The following TEX51 variants were observed in gnomAD, a reference collection of about 807,000 sequenced individuals.
TEX51 encodes testis-expressed protein 51.
In TEX51, 14 loss-of-function variants were observed where a neutral mutation model predicts 8.0. That is an observed-to-expected ratio of 1.76 (90% CI 1.16 to 2.75). The LOEUF (loss-of-function observed/expected upper bound fraction) is 2.75, where lower values mean the gene tolerates loss of function less well. TEX51 is among the 30% of genes most tolerant of loss of function. The pLI is 0.00. For synonymous variants in TEX51, 58 were observed against 28.6 expected, an observed-to-expected ratio of 2.03 and a Z score of -3.29; for missense variants, 142 against 77.4, an observed-to-expected ratio of 1.83 and a Z score of -3.13.
rs1680313884 is a variant in TEX51 at position 126,901,253 on chromosome 2, T to C, written c.438T>C (p.Ser146=). Residue 146 remains serine, a synonymous_variant, in exon 5 of 7, where the codon AGT becomes AGC. Transcript: ENST00000568484. ...RTSLWAVSLS[S]ALLLAIAGDV... ...CCCTGTGGGCTGTGAGTCTCAGCAG[T>C]GCTCTACTCCTGGCCATAGCTGGAG... 1 of 695,032 alleles carries C rather than the reference T, an allele frequency of 1.4e-6. No individual in the cohort carries two copies. The highest frequency in any genetic ancestry group is 1.7e-5 in the African/African-American group (1 of 57,234). 43.1% of individuals were successfully genotyped at this position (695,032 alleles called of 1,614,324 possible). A position where few individuals can be genotyped will look rare whatever the true frequency, so the allele number is the denominator to read the frequency against.
Position 126,899,308 on chromosome 2 carries a change from C to T in TEX51, c.220+17C>T, listed in dbSNP as rs914999761. On this transcript the variant is annotated intron_variant, in intron 2 of 6. Coordinates refer to ENST00000568484, the MANE Select transcript of TEX51 (RefSeq NM_001322244.2). ...TACGAGATGGTGAGGAAGCCAAGAG[C>T]CCCAGGGCCTTGGGGCTTGGGTTGA... 1.4e-6 allele frequency: 1 copy of T among 702,278 alleles called. No individual in the cohort carries two copies. Among genetic ancestry groups the T allele is most frequent in the East Asian group, 2.7e-5 (1 of 37,256 alleles). The allele number at this position is 702,278 out of a possible 1,614,324, so 43.5% of individuals were successfully genotyped here.
rs559375890 is a variant in TEX51, at chr2:126,901,943, T to C, written c.*74T>C. 4.6e-5 allele frequency: 31 copies of C among 669,778 alleles called. No homozygotes were observed. In the South Asian group the frequency reaches 4.7e-4, roughly 10 times the overall value. 41.5% of individuals were successfully genotyped at this position (669,778 alleles called of 1,614,324 possible). On this transcript the variant is annotated 3_prime_UTR_variant, in exon 7 of 7. Coordinates refer to ENST00000568484, the MANE Select transcript of TEX51 (RefSeq NM_001322244.2). ...CTACCACCGTCACAAAGTTCACTCATCTCTGGGTCCCGGTGACCCCATCCC... is the reference window on the plus strand; with the variant it reads ...CTACCACCGTCACAAAGTTCACTCACCTCTGGGTCCCGGTGACCCCATCCC...
intron 3 of TEX51, 100 bp from the exon 4 acceptor site, chr2:126,899,836 C>A: frequency 1.4e-6 from 1 of 702,242 alleles, no homozygotes; most frequent in African/African-American, 1.7e-5. Flanking sequence ...TCCCTGGCAG[C>A]CTGCAATGAG....
intron 1 of TEX51, 55 bp from the exon 2 acceptor site, chr2:126,899,162 C>A (rs1185350149): frequency 1.4e-6 from 1 of 702,248 alleles, no homozygotes; most frequent in Non-Finnish European, 2.6e-6. Flanking sequence ...GGCCTCTTTA[C>A]CTGACCTGGG....
intron 4 of TEX51, 51 bp downstream of exon 4, chr2:126,900,070 T>C (rs1271730136): frequency 2.9e-6 from 2 of 699,224 alleles, no homozygotes; most frequent in Non-Finnish European, 5.2e-6. Flanking sequence ...CCTGCATTTC[T>C]GGAGCCATTG....
At chr2:126,899,430 C>T (rs1449737290) in intron 2 of TEX51, 93 bp from the exon 3 acceptor site, 2 of 678,958 alleles carry the variant, frequency 2.9e-6, no homozygotes, top group Non-Finnish European at 5.4e-6. Context: ...TCTCCGTGTG[C>T]TCTTTGGAAC....
Position 126,899,549 on chromosome 2 carries a change from T to C in TEX51, c.247T>C (p.Tyr83His), listed in dbSNP as rs1680210642. The change falls in exon 3 of 7, where the codon TAC becomes CAC. Residue 83 changes from tyrosine to histidine, a missense_variant. Coordinates refer to ENST00000568484, the MANE Select transcript of TEX51 (RefSeq NM_001322244.2). ...TAAAACAGTACTTCTGGAAGAGATC[T>C]ACACGCACAAGAATCTCTTTACTGA... ...DDKTVLLEEIYTHKNLFTERL... is the reference protein window; with the variant it reads ...DDKTVLLEEIHTHKNLFTERL... 1 of 702,028 alleles carries C rather than the reference T, an allele frequency of 1.4e-6. No homozygotes were observed. Among genetic ancestry groups the C allele is most frequent in the Non-Finnish European group, 2.6e-6 (1 of 384,720 alleles). The allele number at this position is 702,028 out of a possible 1,614,324, so 43.5% of individuals were successfully genotyped here. A position where few individuals can be genotyped will look rare whatever the true frequency, so the allele number is the denominator to read the frequency against.
At chr2:126,899,161 A>G (rs953954321) in intron 1 of TEX51, 56 bp from the exon 2 acceptor site, 2 of 702,076 alleles carry the variant, frequency 2.8e-6, no homozygotes, top group African/African-American at 3.5e-5. Context: ...TGGCCTCTTT[A>G]CCTGACCTGG....
Position 126,900,149 on chromosome 2 carries a change from C to T in TEX51, c.394+130C>T. 7.7e-6 allele frequency: 5 copies of T among 653,580 alleles called. No individual in the cohort carries two copies. The South Asian group carries it at 8.5e-5, about 11-fold the overall frequency. 40.5% of individuals were successfully genotyped at this position (653,580 alleles called of 1,614,324 possible). A position where few individuals can be genotyped will look rare whatever the true frequency, so the allele number is the denominator to read the frequency against. ...TCTTTATCCTCACCCTGGGTGAAGG[C>T]AGCACCTTCTGGGATTTCTTGATGT... On this transcript the variant is annotated intron_variant, in intron 4 of 6. Transcript: ENST00000568484.
At position 126,899,057 on chromosome 2, in the gene TEX51, T is replaced by C. The variant is rs1474312845; in HGVS notation, c.139T>C (p.Ser47Pro). Residue 47 changes from serine to proline, a missense_variant, in exon 1 of 7, where the codon TCT becomes CCT. Physicochemically the swap from Ser to Pro is moderately conservative, Grantham distance 74. Transcript: ENST00000568484. ...GACCCCAGGGCCACCCACAGAACTT[T>C]CTCAAAGTATTCACTCCTTGTTCCT... The part of the protein sequence containing the change: ...WVTPGPPTEL[S>P]QNRDHLEEET... 1.4e-6 allele frequency: 1 copy of C among 702,202 alleles called. No homozygotes were observed. Among genetic ancestry groups the C allele is most frequent in the East Asian group, 2.7e-5 (1 of 37,268 alleles). The allele number at this position is 702,202 out of a possible 1,614,324, so 43.5% of individuals were successfully genotyped here. A position where few individuals can be genotyped will look rare whatever the true frequency, so the allele number is the denominator to read the frequency against.
Position 126,899,286 on chromosome 2 carries a change from G to A in TEX51, c.215G>A (p.Arg72Gln), listed in dbSNP as rs1478704254. Reference sequence around the variant, plus strand: ...GTACACCAAGCCATTAAAACGTTACGAGATGGTGAGGAAGCCAAGAGCCCC... The same window carrying A: ...GTACACCAAGCCATTAAAACGTTACAAGATGGTGAGGAAGCCAAGAGCCCC... ...TQVHQAIKTL[R>Q]DDKTVLLEEI... Residue 72 changes from arginine to glutamine, a missense_variant, in exon 2 of 7, where the codon CGA becomes CAA. By Grantham distance (43) the Arg-to-Gln change is conservative. Coordinates refer to ENST00000568484, the MANE Select transcript of TEX51 (RefSeq NM_001322244.2). 1.3e-5 allele frequency: 9 copies of A among 702,018 alleles called. No individual in the cohort carries two copies. Among genetic ancestry groups the A allele is most frequent in the Admixed American group, 4.0e-5 (2 of 49,976 alleles). 43.5% of individuals were successfully genotyped at this position (702,018 alleles called of 1,614,324 possible).
chr2:126,902,026 G>A lies in TEX51; in HGVS notation c.*157G>A, dbSNP rs906041567. 4.2e-5 allele frequency: 22 copies of A among 522,374 alleles called. 1 individual carries two copies. Among genetic ancestry groups the A allele is most frequent in the South Asian group, 1.1e-4 (4 of 37,962 alleles). The allele number at this position is 522,374 out of a possible 1,614,324, so 32.4% of individuals were successfully genotyped here. On this transcript the variant is annotated 3_prime_UTR_variant, in exon 7 of 7. Transcript: ENST00000568484. ...AAAGCTCTGAGGCCTAGGAGACTGCGCTGTCTCGTGGTTTGCCTACTCCTA... is the reference window on the plus strand; with the variant it reads ...AAAGCTCTGAGGCCTAGGAGACTGCACTGTCTCGTGGTTTGCCTACTCCTA...
Position 126,899,238 on chromosome 2 carries a change from AAAC to A in TEX51, c.169_171del (p.Thr57del), listed in dbSNP as rs1558745015. The A allele has an allele frequency of 1.4e-6, 1 of 702,244 alleles. No individual in the cohort carries two copies. Among genetic ancestry groups the A allele is most frequent in the East Asian group, 2.7e-5 (1 of 37,270 alleles). 43.5% of individuals were successfully genotyped at this position (702,244 alleles called of 1,614,324 possible). On this transcript the variant is annotated inframe_deletion, in exon 2 of 7. Transcript: ENST00000568484. ...TCAGATCGTGACCATTTGGAAGAAG[AAAC>A]AGCCAAATTCTTCACTCAAGTACAC...
chr2:126,901,301 C>T, intron 5 of TEX51, 23 bp downstream of exon 5: 1 of 700,740 alleles, frequency 1.4e-6, no homozygotes, highest in Non-Finnish European at 2.6e-6. Flanking sequence ...CCTCTCCAAG[C>T]CCCAGCATCC....
At chr2:126,900,612 A>G (rs1680278907) in intron 4 of TEX51, among the ~76,000 whole-genome samples, 1 of 150,878 alleles carries the variant, frequency 6.6e-6, no homozygotes, top group Non-Finnish European at 1.5e-5. Flanking sequence ...TCTAACCTCC[A>G]CTCTCAGGCC....
intron 6 of TEX51, 107 bp downstream of exon 6, chr2:126,901,511 T>C (rs1182560479): frequency 1.5e-6 from 1 of 674,628 alleles, no homozygotes. Context: ...CCTCCTGGGG[T>C]CTGGCGTGCA....
chr2:126,901,964 A>G lies in TEX51; in HGVS notation c.*95A>G. 1.5e-6 allele frequency: 1 copy of G among 661,056 alleles called. No homozygotes were observed. Among genetic ancestry groups the G allele is most frequent in the Non-Finnish European group, 2.7e-6 (1 of 364,290 alleles). The allele number at this position is 661,056 out of a possible 1,614,324, so 40.9% of individuals were successfully genotyped here. A position where few individuals can be genotyped will look rare whatever the true frequency, so the allele number is the denominator to read the frequency against. ...CTCATCTCTGGGTCCCGGTGACCCC[A>G]TCCCCCCATACCCTCCATCCTGGGT... On this transcript the variant is annotated 3_prime_UTR_variant, in exon 7 of 7. Coordinates refer to ENST00000568484, the MANE Select transcript of TEX51 (RefSeq NM_001322244.2).
chr2:126,900,548 G>A (rs1056422301), intron 4 of TEX51, among the ~76,000 whole-genome samples: 18 of 152,138 alleles, frequency 1.2e-4, no homozygotes, highest in East Asian at 3.9e-4. Flanking sequence ...CACTTAGCAC[G>A]GAGAATCACC....
At chr2:126,901,793 A>G in intron 6 of TEX51, 79 bp from the exon 7 acceptor site, 1 of 565,764 alleles carries the variant, frequency 1.8e-6, no homozygotes, top group South Asian at 2.3e-5. Context: ...GACTCCCAGG[A>G]GGAAGTTAGA....
Sources: allele counts gnomAD v4.1 joint callset (sites outside exome capture counted in the v4.1 genomes callset), GRCh38; gene constraint gnomAD v4.1.1; transcripts MANE v1.5; gene names NCBI Gene and HGNC (gene_info 2026-07-23, HGNC 2026-07-21).